EFR3B: variants seen among roughly 807,000 people sequenced by gnomAD.
The protein encoded by EFR3B is EFR3 homolog B.
EFR3B carries 64 observed loss-of-function variants against 104.7 expected under a neutral mutation model. That is an observed-to-expected ratio of 0.61 (90% CI 0.50 to 0.75). The LOEUF (loss-of-function observed/expected upper bound fraction) is 0.75. EFR3B is among the 30% of genes least tolerant of loss of function. EFR3B has a pLI of 0.00. For synonymous variants in EFR3B, 385 were observed against 417.9 expected (o/e 0.92, Z 0.96); for missense variants, 750 against 1,078.5 (o/e 0.70, Z 4.27).
chr2:25,121,165 G>A lies in EFR3B; in HGVS notation c.364-508G>A, dbSNP rs530343352. Among the ~76,000 whole-genome samples the A allele has an allele frequency of 3.3e-5, 5 of 152,294 alleles. No individual in the cohort carries two copies. In the East Asian group the frequency reaches 9.6e-4, roughly 29 times the overall value. ...GATCCACCTGCCTCGGCCTCCCAAAGTGCTGGGATTACAGGCATGAGCCAC... is the reference window on the plus strand; with the variant it reads ...GATCCACCTGCCTCGGCCTCCCAAAATGCTGGGATTACAGGCATGAGCCAC... On this transcript the variant is annotated intron_variant, in intron 4 of 22. Transcript: ENST00000403714.
At chr2:25,046,089 T>C (rs1667708640) in intron 1 of EFR3B, among the ~76,000 whole-genome samples, 1 of 151,978 alleles carries the variant, frequency 6.6e-6, no homozygotes, top group African/African-American at 2.4e-5. Context: ...GAACAACTTT[T>C]TGAAAATGTG....
chr2:25,059,579 G>T lies in EFR3B; in HGVS notation c.7+17260G>T, dbSNP rs56383654. ...AGAGGTTACCAGGGACTGCGGGGGGGGGGGGGGTGGAGATTGGGGAATTGT... is the reference window on the plus strand; with the variant it reads ...AGAGGTTACCAGGGACTGCGGGGGGTGGGGGGGTGGAGATTGGGGAATTGT... On this transcript the variant is annotated intron_variant, in intron 1 of 22. Coordinates refer to ENST00000403714, the MANE Select transcript of EFR3B (RefSeq NM_014971.2). Among the ~76,000 whole-genome samples the T allele has an allele frequency of 8.0e-4, 106 of 132,628 alleles. 9 individuals carry two copies. The highest frequency in any genetic ancestry group is 1.3e-3 in the East Asian group (6 of 4,668). The allele number at this position is 132,628 out of a possible 152,430, so 87.0% of individuals were successfully genotyped here.
intron 1 of EFR3B, among the ~76,000 whole-genome samples, chr2:25,043,390 C>T (rs1377535539): frequency 3.3e-5 from 5 of 152,232 alleles, no homozygotes; most frequent in African/African-American, 9.6e-5. Context: ...GCTCAGCTGC[C>T]TCGCTCCGCG....
chr2:25,126,656 G>A (rs559632203), intron 5 of EFR3B, among the ~76,000 whole-genome samples: 8 of 151,894 alleles, frequency 5.3e-5, no homozygotes, highest in African/African-American at 7.2e-5. Context: ...CACCGCGCCC[G>A]GCCTAATGTT....
chr2:25,127,011 G>A (rs1346440081), intron 5 of EFR3B, among the ~76,000 whole-genome samples: 1 of 151,596 alleles, frequency 6.6e-6, no homozygotes, highest in African/African-American at 2.4e-5. Context: ...GACCAACACG[G>A]TGAAACCCTG....
At chr2:25,062,184 A>G (rs1178841035) in intron 1 of EFR3B, among the ~76,000 whole-genome samples, 1 of 152,226 alleles carries the variant, frequency 6.6e-6, no homozygotes, top group East Asian at 1.9e-4. Context: ...TCATCACCAG[A>G]GGCCTTGTGG....
intron 5 of EFR3B, among the ~76,000 whole-genome samples, chr2:25,126,347 C>A (rs1438483912): frequency 6.6e-6 from 1 of 151,996 alleles, no homozygotes; most frequent in Non-Finnish European, 1.5e-5. Context: ...CACCACCATA[C>A]CTGGCTAATT....
At chr2:25,056,930 G>A (rs1305539032) in intron 1 of EFR3B, among the ~76,000 whole-genome samples, 1 of 152,074 alleles carries the variant, frequency 6.6e-6, no homozygotes, top group African/African-American at 2.4e-5. Flanking sequence ...GTAAATTTGG[G>A]CAAGATTCTT....
intron 3 of EFR3B, among the ~76,000 whole-genome samples, chr2:25,096,973 T>G (rs1669298438): frequency 6.6e-6 from 1 of 152,216 alleles, no homozygotes; most frequent in Non-Finnish European, 1.5e-5. Context: ...GCATGCTGAT[T>G]ATATTAAGGG....
intron 3 of EFR3B, among the ~76,000 whole-genome samples, chr2:25,102,666 G>A (rs1388014742): frequency 3.9e-5 from 6 of 152,124 alleles, no homozygotes; most frequent in East Asian, 3.9e-4. Flanking sequence ...GGTGAGATTC[G>A]GGTGGGGACG....
At chr2:25,062,207 A>C (rs1025112406) in intron 1 of EFR3B, among the ~76,000 whole-genome samples, 1 of 152,182 alleles carries the variant, frequency 6.6e-6, no homozygotes, top group Non-Finnish European at 1.5e-5. Flanking sequence ...AACTGTCTAG[A>C]CTCTTCTAAT....
At position 25,128,310 on chromosome 2, in the gene EFR3B, C is replaced by T. The variant is rs1670222154; in HGVS notation, c.613C>T (p.Gln205Ter). 2.6e-6 allele frequency: 4 copies of T among 1,551,752 alleles called. No individual in the cohort carries two copies. The highest frequency in any genetic ancestry group is 2.0e-5 in the Admixed American group (1 of 50,984). Residue 205 changes from glutamine (Q) to a stop codon, truncating the protein, a stop_gained, in exon 6 of 23, where the codon CAG becomes TAG. Transcript: ENST00000403714. LOFTEE classifies it high-confidence loss of function. ...CGTTCCATCACTGCTTTTCAATCTACAGCATGTAGAGGAGGCAGAGAGGTA... is the reference window on the plus strand; with the variant it reads ...CGTTCCATCACTGCTTTTCAATCTATAGCATGTAGAGGAGGCAGAGAGGTA... ...KIVPSLLFNL[Q>*]HVEEAESRSP...
Position 25,131,569 on chromosome 2 carries a change from AGG to A in EFR3B, c.985+67_985+68del. On this transcript the variant is annotated intron_variant, in intron 9 of 22. Transcript: ENST00000403714. The surrounding 1 kb of genome is among the most constrained non-coding windows in gnomAD (Gnocchi z 7.6). ...GGAGGCTGCCGCCTCTTACAGAGAG[AGG>A]CAAGGGACAACAGGGAGGGGTCGGA... The A allele has an allele frequency of 6.5e-7, 1 of 1,538,530 alleles. No homozygotes were observed. The highest frequency in any genetic ancestry group is 1.2e-5 in the South Asian group (1 of 83,384).
intron 1 of EFR3B, among the ~76,000 whole-genome samples, chr2:25,056,771 C>T (rs1279752828): frequency 6.6e-6 from 1 of 152,114 alleles, no homozygotes; most frequent in Non-Finnish European, 1.5e-5. Flanking sequence ...TCAAAACGTT[C>T]TCCTCTCCCC....
chr2:25,116,243 G>A (rs1485496962), intron 4 of EFR3B: 1 of 152,200 alleles, frequency 6.6e-6, no homozygotes, highest in African/African-American at 2.4e-5. Flanking sequence ...AGTTCACACA[G>A]TTCCTGTTAC....
intron 2 of EFR3B, among the ~76,000 whole-genome samples, chr2:25,092,347 C>T (rs757605966): frequency 7.9e-5 from 12 of 151,486 alleles, no homozygotes; most frequent in Non-Finnish European, 1.8e-4. Flanking sequence ...GGATTACAGG[C>T]GTGAGCCACC....
At chr2:25,076,417 T>C (rs965246657) in intron 1 of EFR3B, among the ~76,000 whole-genome samples, 10 of 152,140 alleles carry the variant, frequency 6.6e-5, no homozygotes, top group Non-Finnish European at 1.3e-4. Flanking sequence ...CTAGGAATAG[T>C]TGTAAGAACT....
chr2:25,087,957 G>A (rs1331625756), intron 1 of EFR3B, among the ~76,000 whole-genome samples: 1 of 152,184 alleles, frequency 6.6e-6, no homozygotes, highest in Non-Finnish European at 1.5e-5. Context: ...GATTTATTTT[G>A]AGTAAGCTTC....
chr2:25,129,583 T>A (rs72852530), intron 6 of EFR3B, among the ~76,000 whole-genome samples: 69 of 152,076 alleles, frequency 4.5e-4, no homozygotes, highest in African/African-American at 1.3e-3. Flanking sequence ...TTCTTCCACT[T>A]CTGTTTTGTT....
Sources: allele counts gnomAD v4.1 joint callset (sites outside exome capture counted in the v4.1 genomes callset), GRCh38; gene constraint gnomAD v4.1.1; non-coding constraint Gnocchi (gnomAD v3.1); transcripts MANE v1.5; gene names NCBI Gene and HGNC (gene_info 2026-07-23, HGNC 2026-07-21).